Variants in PDE4D observed in about 807,000 individuals in gnomAD.
The protein encoded by PDE4D is phosphodiesterase 4D.
A neutral mutation model predicts 87.4 loss-of-function variants in PDE4D; 24 were observed. The ratio of observed to expected loss-of-function variants is 0.27; its 90% CI spans 0.20 to 0.39. The LOEUF (loss-of-function observed/expected upper bound fraction) is 0.39. Ranked by LOEUF, PDE4D falls within the 10% of genes least tolerant of loss-of-function variation. The probability of loss-of-function intolerance (pLI) is 1.00; values close to 1 mark genes in which losing one functional copy is unlikely to be tolerated. For synonymous variants in PDE4D, 384 were observed against 383.2 expected (o/e 1.00, Z -0.02); for missense variants, 714 against 1,041.0 (o/e 0.69, Z 4.32).
chr5:59,419,274 G>C (rs1794109589), intron 1 of PDE4D, among the ~76,000 whole-genome samples: 1 of 152,100 alleles, frequency 6.6e-6, no homozygotes, highest in Non-Finnish European at 1.5e-5. Flanking sequence ...TTTTCCCTTT[G>C]AATTTTTGTC....
At chr5:59,820,953 C>G (rs760532352) in intron 1 of PDE4D, among the ~76,000 whole-genome samples, 3 of 152,094 alleles carry the variant, frequency 2.0e-5, no homozygotes, top group Non-Finnish European at 4.4e-5. Context: ...AAATTAGGGC[C>G]AGGCACATTG....
At chr5:60,082,747 G>A (rs1774094873) in intron 2 of PDE4D, among the ~76,000 whole-genome samples, 1 of 152,176 alleles carries the variant, frequency 6.6e-6, no homozygotes, top group African/African-American at 2.4e-5. Context: ...GGTATCAGCA[G>A]TAGTGCTGCC....
At chr5:59,178,557 T>A (rs1223078900) in intron 5 of PDE4D, among the ~76,000 whole-genome samples, 2 of 152,134 alleles carry the variant, frequency 1.3e-5, no homozygotes, top group Non-Finnish European at 2.9e-5. Flanking sequence ...ATCAAGTGTG[T>A]GCCCTTTGAG....
At chr5:59,656,319 G>C (rs1744351056) in intron 1 of PDE4D, among the ~76,000 whole-genome samples, 1 of 152,158 alleles carries the variant, frequency 6.6e-6, no homozygotes, top group Admixed American at 6.5e-5. Context: ...AAAGTTGTGA[G>C]TTTGCACCAC....
intron 1 of PDE4D, among the ~76,000 whole-genome samples, chr5:59,612,651 G>A (rs1346352975): frequency 6.6e-6 from 1 of 152,054 alleles, no homozygotes; most frequent in Non-Finnish European, 1.5e-5. Context: ...AAAGAAGAGG[G>A]GATGGGGAAT....
chr5:59,056,990 C>A (rs1334598986), intron 5 of PDE4D, among the ~76,000 whole-genome samples: 2 of 152,178 alleles, frequency 1.3e-5, no homozygotes, highest in African/African-American at 4.8e-5. Context: ...TTTCTCCTCT[C>A]CATGAACTGG....
At chr5:59,492,227 TA>T (rs1806352648) in intron 1 of PDE4D, among the ~76,000 whole-genome samples, 1 of 152,182 alleles carries the variant, frequency 6.6e-6, no homozygotes, top group Non-Finnish European at 1.5e-5. Flanking sequence ...TTTGGTTTTC[TA>T]AAAAAATTTA....
rs118039461 is a variant in PDE4D at position 59,250,937 on chromosome 5, C to T, written c.456-34969G>A. ...AGAAAAGCAATGGAGAAAACACTCCCTATTCAATAAATGGTGCTGGGATAA... is the reference window on the plus strand; with the variant it reads ...AGAAAAGCAATGGAGAAAACACTCCTTATTCAATAAATGGTGCTGGGATAA... On this transcript the variant is annotated intron_variant, in intron 1 of 14. Coordinates refer to ENST00000340635, the MANE Select transcript of PDE4D (RefSeq NM_001104631.2). Among the ~76,000 whole-genome samples, 893 of 152,248 alleles carry T rather than the reference C, an allele frequency of 5.9e-3. 40 individuals are homozygous for T. In the South Asian group the frequency reaches 0.092, roughly 16 times the overall value.
intron 5 of PDE4D, among the ~76,000 whole-genome samples, chr5:59,058,775 G>GA (rs946985101): frequency 1.9e-3 from 281 of 145,464 alleles, no homozygotes; most frequent in African/African-American, 6.3e-3. Context: ...CTTGGTGGAA[G>GA]AAAAAAAAAA....
intron 1 of PDE4D, among the ~76,000 whole-genome samples, chr5:59,704,681 C>G (rs1018908474): frequency 6.6e-6 from 1 of 152,154 alleles, no homozygotes; most frequent in African/African-American, 2.4e-5. Context: ...AACTACTTTT[C>G]CCCTTTTTGT....
chr5:60,429,450 C>T (rs1744003014), intron 1 of PDE4D, among the ~76,000 whole-genome samples: 1 of 152,062 alleles, frequency 6.6e-6, no homozygotes, highest in South Asian at 2.1e-4. Flanking sequence ...ATTTGGATGC[C>T]TCTTATTTCT....
chr5:59,412,686 C>A lies in PDE4D; in HGVS notation c.456-196718G>T, dbSNP rs187063945. ...TTGTACTGGCAATCTTTGACTTGAT[C>A]CCCTATACAAATCACATGCAGAATG... On this transcript the variant is annotated intron_variant, in intron 1 of 14. Transcript: ENST00000340635. Among the ~76,000 whole-genome samples the A allele has an allele frequency of 4.4e-4, 67 of 152,266 alleles. 1 individual carries two copies. The highest frequency in any genetic ancestry group is 4.2e-3 in the Admixed American group (65 of 15,300).
intron 1 of PDE4D, among the ~76,000 whole-genome samples, chr5:59,235,780 G>T (rs759788223): frequency 5.2e-4 from 79 of 152,234 alleles, no homozygotes; most frequent in African/African-American, 1.8e-3. Flanking sequence ...GCTGGAAAAG[G>T]ATTTTAGCAA....
intron 1 of PDE4D, among the ~76,000 whole-genome samples, chr5:59,567,363 T>C (rs1321366108): frequency 6.6e-6 from 1 of 152,190 alleles, no homozygotes; most frequent in Non-Finnish European, 1.5e-5. Context: ...TTCTTTGGTG[T>C]CTGTCAAGAA....
At chr5:59,772,856 AT>A (rs755014402) in intron 1 of PDE4D, among the ~76,000 whole-genome samples, 39 of 152,334 alleles carry the variant, frequency 2.6e-4, no homozygotes, top group Non-Finnish European at 4.6e-4. Context: ...GTATGGGTTA[AT>A]TTTAGAAATG....
intron 2 of PDE4D, among the ~76,000 whole-genome samples, chr5:60,077,795 T>C (rs550438491): frequency 6.6e-6 from 1 of 152,296 alleles, no homozygotes; most frequent in South Asian, 2.1e-4. Flanking sequence ...AATTCAAATG[T>C]CCATGGTGGT....
At chr5:60,063,184 A>AAAAGAGAAAGAAAAAG (rs1771676730) in intron 2 of PDE4D, among the ~76,000 whole-genome samples, 1 of 151,936 alleles carries the variant, frequency 6.6e-6, no homozygotes, top group Non-Finnish European at 1.5e-5. Context: ...AAGAGAAAGA[A>AAAAGAGAAAGAAAAAG]AAAGAAAGAA....
At chr5:59,144,228 G>C (rs79325830) in intron 5 of PDE4D, among the ~76,000 whole-genome samples, 1 of 152,212 alleles carries the variant, frequency 6.6e-6, no homozygotes, top group Non-Finnish European at 1.5e-5. Context: ...GTCAGGAGAT[G>C]TGAGTTCTGA....
Position 60,104,088 on chromosome 5 carries a change from G to T in PDE4D, c.42+81469C>A, listed in dbSNP as rs113486902. Among the ~76,000 whole-genome samples the T allele has an allele frequency of 7.8e-3, 1,182 of 152,314 alleles. 13 individuals carry two copies. Among genetic ancestry groups the T allele is most frequent in the African/African-American group, 0.027 (1,125 of 41,578 alleles). ...CTCACTTGGGAAGCGCAAGGGGTCA[G>T]GGAGTTCCCTTTCCTAGTCAAAGAA... On this transcript the variant is annotated intron_variant, in intron 2 of 16. Transcript: ENST00000502484.
Sources: allele counts gnomAD v4.1 joint callset (sites outside exome capture counted in the v4.1 genomes callset), GRCh38; gene constraint gnomAD v4.1.1; transcripts MANE v1.5; gene names NCBI Gene and HGNC (gene_info 2026-07-23, HGNC 2026-07-21).